EFHB: variants seen among roughly 807,000 people sequenced by gnomAD.
EFHB encodes the protein EF-hand domain-containing family member B.
EFHB carries 91 observed loss-of-function variants against 87.2 expected under a neutral mutation model. The observed-to-expected ratio is 1.04, with a 90% CI of 0.88 to 1.24. EFHB has a LOEUF of 1.24. Among genes scored for constraint, EFHB ranks in the 50% most tolerant of loss-of-function variants. The pLI is 0.00. For missense variants in EFHB, 1,084 were observed against 998.8 expected (o/e 1.09, Z -1.15); for synonymous variants, 325 against 333.6 (o/e 0.97, Z 0.28).
intron 1 of EFHB, 126 bp downstream of exon 1, chr3:19,933,104 A>G: frequency 8.3e-7 from 1 of 1,197,960 alleles, no homozygotes; most frequent in Non-Finnish European, 1.1e-6. Context: ...GGCAAGAAAT[A>G]TAGGAATCTC....
At chr3:19,889,905 T>C (rs903162725) in intron 9 of EFHB, among the ~76,000 whole-genome samples, 1 of 152,148 alleles carries the variant, frequency 6.6e-6, no homozygotes, top group African/African-American at 2.4e-5. Context: ...GAGAATCGCT[T>C]GAATCCAGGA....
intron 1 of EFHB, among the ~76,000 whole-genome samples, chr3:19,926,097 C>T (rs994132801): frequency 2.6e-5 from 4 of 152,098 alleles, no homozygotes; most frequent in African/African-American, 9.7e-5. Flanking sequence ...CTAGGAAGGT[C>T]CCACAAGATT....
chr3:19,882,451 T>C (rs976796812), intron 12 of EFHB, 99 bp downstream of exon 12: 4 of 1,165,468 alleles, frequency 3.4e-6, no homozygotes, highest in Non-Finnish European at 3.4e-6. Flanking sequence ...GGGGATCCTG[T>C]AGACTTTTGT....
At chr3:19,910,644 G>A (rs1348551225) in intron 5 of EFHB, among the ~76,000 whole-genome samples, 1 of 152,184 alleles carries the variant, frequency 6.6e-6, no homozygotes, top group Non-Finnish European at 1.5e-5. Context: ...CAGGACTTGG[G>A]TGAGACCAAA....
chr3:19,925,478 G>A (rs745345025), intron 1 of EFHB, among the ~76,000 whole-genome samples: 2 of 152,048 alleles, frequency 1.3e-5, no homozygotes, highest in Non-Finnish European at 2.9e-5. Flanking sequence ...CTCTGTCAGT[G>A]AGAAAAGGGT....
chr3:19,888,899 T>A (rs1355389595), intron 9 of EFHB, among the ~76,000 whole-genome samples: 2 of 152,214 alleles, frequency 1.3e-5, no homozygotes, highest in African/African-American at 4.8e-5. Flanking sequence ...TTTTTATCCT[T>A]ACAAAGTTTT....
chr3:19,888,317 A>G (rs547236720), intron 10 of EFHB, 127 bp downstream of exon 10: 206 of 367,770 alleles, frequency 5.6e-4, no homozygotes, highest in African/African-American at 4.2e-3. Context: ...CCTTGAACCC[A>G]GGAGTTCAAG....
chr3:19,895,009 A>ATATATATATATATATATATATAT (rs34879409), intron 9 of EFHB: 3 of 137,666 alleles, frequency 2.2e-5, no homozygotes, highest in African/African-American at 8.4e-5. Context: ...TGTATATATA[A>ATATATATATATATATATATATAT]AAATATATAG....
At chr3:19,916,481 C>T (rs764272742) in intron 4 of EFHB, among the ~76,000 whole-genome samples, 1 of 151,818 alleles carries the variant, frequency 6.6e-6, no homozygotes, top group Non-Finnish European at 1.5e-5. Context: ...CGACACTGCA[C>T]TCCAGCCTGG....
At chr3:19,898,958 T>C (rs1279352275) in intron 7 of EFHB, 113 bp from the exon 8 acceptor site, 1 of 1,015,650 alleles carries the variant, frequency 9.8e-7, no homozygotes, top group Non-Finnish European at 1.5e-6. Context: ...ATAACCAAAC[T>C]ATGAAGATCA....
chr3:19,930,729 A>G (rs1695799509), intron 1 of EFHB, among the ~76,000 whole-genome samples: 1 of 152,134 alleles, frequency 6.6e-6, no homozygotes. Context: ...ACCTCTCCCA[A>G]GTAGCTAGGA....
chr3:19,945,156 C>T (rs1327090620), intron 1 of EFHB, among the ~76,000 whole-genome samples: 1 of 152,100 alleles, frequency 6.6e-6, no homozygotes, highest in Non-Finnish European at 1.5e-5. Flanking sequence ...ATAAAGTGAT[C>T]AGATACCAAG....
intron 12 of EFHB, among the ~76,000 whole-genome samples, chr3:19,881,388 C>A (rs2071672788): frequency 6.6e-6 from 1 of 152,178 alleles, no homozygotes; most frequent in Non-Finnish European, 1.5e-5. Context: ...TTATTCCAAG[C>A]AGGTCTTTGA....
intron 4 of EFHB, among the ~76,000 whole-genome samples, chr3:19,917,040 G>C (rs1695256189): frequency 6.6e-6 from 1 of 151,968 alleles, no homozygotes; most frequent in Non-Finnish European, 1.5e-5. Flanking sequence ...ATAATGCCAT[G>C]TCTAACAGTT....
chr3:19,904,017 G>T (rs1002700585), intron 6 of EFHB, among the ~76,000 whole-genome samples: 2 of 152,128 alleles, frequency 1.3e-5, no homozygotes, highest in Admixed American at 6.5e-5. Flanking sequence ...TCAGAATTTT[G>T]CCTCTATAAC....
intron 4 of EFHB, 22 bp downstream of exon 4, chr3:19,918,210 C>G (rs776763743): frequency 6.5e-7 from 1 of 1,540,938 alleles, no homozygotes; most frequent in Non-Finnish European, 8.7e-7. Context: ...CCCTTCCCAC[C>G]CCTTATTTTT....
chr3:19,888,765 G>T, intron 9 of EFHB, 114 bp from the exon 10 acceptor site: 2 of 916,742 alleles, frequency 2.2e-6, no homozygotes, highest in Non-Finnish European at 3.2e-6. Context: ...ATTCAAATTT[G>T]TCTCAATTTT....
At chr3:19,936,379 C>T, upstream of EFHB, 1 of 526,004 alleles carries the variant, frequency 1.9e-6, no homozygotes, top group Non-Finnish European at 3.4e-6. Flanking sequence ...GCATGGGTAA[C>T]ACAGTGAGAC....
chr3:19,880,605 G>A (rs537358423), intron 12 of EFHB, among the ~76,000 whole-genome samples: 7 of 152,174 alleles, frequency 4.6e-5, no homozygotes, highest in African/African-American at 1.7e-4. Flanking sequence ...TAACTGGCCT[G>A]TTGGAACTTT....
Sources: allele counts gnomAD v4.1 joint callset (sites outside exome capture counted in the v4.1 genomes callset), GRCh38; gene constraint gnomAD v4.1.1; transcripts MANE v1.5; gene names NCBI Gene and HGNC (gene_info 2026-07-23, HGNC 2026-07-21).